The following ARHGEF37 variants were observed in gnomAD, a reference collection of about 807,000 sequenced individuals.
ARHGEF37 encodes the protein Rho guanine nucleotide exchange factor (GEF) 37.
In ARHGEF37, 55 loss-of-function variants were observed where a neutral mutation model predicts 71.1. The ratio of observed to expected loss-of-function variants is 0.77; its 90% CI spans 0.62 to 0.97. ARHGEF37 has a LOEUF of 0.97. Ranked by LOEUF, ARHGEF37 falls within the 50% of genes least tolerant of loss-of-function variation. ARHGEF37 has a pLI of 0.00. For missense variants in ARHGEF37, 765 were observed against 836.8 expected, an observed-to-expected ratio of 0.91 and a Z score of 1.06; for synonymous variants, 327 against 350.6, an observed-to-expected ratio of 0.93 and a Z score of 0.75.
chr5:149,552,382 A>G lies in ARHGEF37; in HGVS notation c.-12+259A>G, dbSNP rs183678102. 4.6e-5 allele frequency among the ~76,000 whole-genome samples: 7 copies of G among 151,672 alleles called. No homozygotes were observed. The East Asian group carries it at 1.5e-3, about 33-fold the overall frequency. Reference sequence around the variant, plus strand: ...TTTACAAAAAATCGATCAGAGAATCAAATTTTGACCACGTTTTGTTTTACA... The same window carrying G: ...TTTACAAAAAATCGATCAGAGAATCGAATTTTGACCACGTTTTGTTTTACA... On this transcript the variant is annotated intron_variant, in intron 1 of 2. Coordinates refer to the ARHGEF37 transcript ENST00000505810.
At chr5:149,598,408 C>T (rs13161661) in intron 2 of ARHGEF37, among the ~76,000 whole-genome samples, 2 of 130,424 alleles carry the variant, frequency 1.5e-5, no homozygotes, top group Admixed American at 8.5e-5. Context: ...CTTCCTCTTC[C>T]TCTTCTCCTT....
intron 10 of ARHGEF37, among the ~76,000 whole-genome samples, chr5:149,626,512 C>T (rs975573866): frequency 6.6e-6 from 1 of 152,168 alleles, no homozygotes; most frequent in Non-Finnish European, 1.5e-5. Flanking sequence ...GTAAAACTCT[C>T]TCCTGTATTT....
At chr5:149,563,427 A>C (rs182262655) in intron 1 of ARHGEF37, among the ~76,000 whole-genome samples, 16 of 152,250 alleles carry the variant, frequency 1.1e-4, no homozygotes, top group Admixed American at 1.0e-3. Flanking sequence ...ACCTATATGC[A>C]AGCCATGTTT....
At chr5:149,625,651 G>A (rs1030825781) in intron 10 of ARHGEF37, among the ~76,000 whole-genome samples, 3 of 152,206 alleles carry the variant, frequency 2.0e-5, no homozygotes, top group Admixed American at 6.5e-5. Flanking sequence ...AGACCTCACC[G>A]ACTAGGGGTG....
At chr5:149,561,897 C>T (rs1762836712) in intron 1 of ARHGEF37, among the ~76,000 whole-genome samples, 1 of 152,020 alleles carries the variant, frequency 6.6e-6, no homozygotes, top group Non-Finnish European at 1.5e-5. Context: ...TTTCTCAGCC[C>T]CTGTTCTCTT....
chr5:149,617,422 G>A (rs1457438926), intron 5 of ARHGEF37, among the ~76,000 whole-genome samples: 3 of 152,164 alleles, frequency 2.0e-5, no homozygotes, highest in Non-Finnish European at 4.4e-5. Flanking sequence ...TTTGGAAAAC[G>A]AAACAGTGTC....
At chr5:149,605,488 A>G (rs1046148221) in intron 3 of ARHGEF37, among the ~76,000 whole-genome samples, 2 of 152,162 alleles carry the variant, frequency 1.3e-5, no homozygotes, top group African/African-American at 4.8e-5. Flanking sequence ...GGGGTTCATC[A>G]TATTTCAAGT....
intron 1 of ARHGEF37, among the ~76,000 whole-genome samples, chr5:149,592,681 T>C (rs1377579393): frequency 2.6e-5 from 4 of 152,220 alleles, no homozygotes; most frequent in Non-Finnish European, 2.9e-5. Context: ...ACAGAAAGTG[T>C]ATGTTTTATT....
intron 2 of ARHGEF37, among the ~76,000 whole-genome samples, chr5:149,598,263 C>CT (rs1554121928): frequency 4.4e-5 from 3 of 67,692 alleles, no homozygotes; most frequent in Non-Finnish European, 8.7e-5. Context: ...CTTAAACTGA[C>CT]TCTTCTTCTT....
chr5:149,626,778 C>T (rs541987447), intron 10 of ARHGEF37: 31 of 247,206 alleles, frequency 1.3e-4, no homozygotes, highest in East Asian at 5.3e-4. Context: ...CTTACCCTGA[C>T]GGTATGGGCA....
In ARHGEF37 at chr5:149,632,067, A is replaced by G. The variant is rs769278960; in HGVS notation, c.1904A>G (p.Gln635Arg). 94 of 1,614,146 alleles carry G rather than the reference A, an allele frequency of 5.8e-5. No homozygotes were observed. Among genetic ancestry groups the G allele is most frequent in the Non-Finnish European group, 7.8e-5 (92 of 1,180,058 alleles). The change falls in exon 13 of 13, where the codon CAG becomes CGG. Residue 635 changes from glutamine (Q) to arginine (R), a missense_variant. This residue lies in a region of ARHGEF37 where 390 missense variants were observed against 407.4 expected (regional missense o/e 0.96). Transcript: ENST00000333677. ...AGQPVTILEA[Q>R]DKKGNPEWSL... ...CAGCCTGTGACCATCCTGGAGGCCC[A>G]GGACAAGAAGGGGAACCCTGAGTGG...
rs777306691 is a variant in ARHGEF37, at chr5:149,622,049, G to A, written c.1322G>A (p.Gly441Glu). 3 of 1,610,198 alleles carry A rather than the reference G, an allele frequency of 1.9e-6. No homozygotes were observed. In the South Asian group the frequency reaches 3.3e-5, roughly 18 times the overall value. ...LAKQVLQRAE[G>E]SMAQLPHHHV... ...AAGCAAGTGCTGCAGAGGGCAGAGG[G>A]AAGCATGGCCCAGGTAAGGCCTCTG... Residue 441 changes from glycine to glutamate, a missense_variant, in exon 9 of 13, where the codon GGA becomes GAA. This residue lies in a region of ARHGEF37 where 390 missense variants were observed against 407.4 expected (regional missense o/e 0.96). Coordinates refer to ENST00000333677, the MANE Select transcript of ARHGEF37 (RefSeq NM_001001669.3).
In ARHGEF37 at chr5:149,628,969, G is replaced by A. The variant is rs755804319; in HGVS notation, c.1818+3G>A. 2.5e-6 allele frequency: 4 copies of A among 1,610,606 alleles called. No homozygotes were observed. Among genetic ancestry groups the A allele is most frequent in the African/African-American group, 1.3e-5 (1 of 74,856 alleles). The stretch of plus-strand genomic sequence containing the variant: ...CCTCTATTCCCACCATGAACCAGGT[G>A]AGTATAGGAGAGGGCTGGGGGCTTG... On this transcript the variant is annotated splice_donor_region_variant and intron_variant, in intron 12 of 12. Transcript: ENST00000333677.
chr5:149,557,091 G>A (rs138125161), intron 1 of ARHGEF37, among the ~76,000 whole-genome samples: 59 of 152,298 alleles, frequency 3.9e-4, no homozygotes, highest in Admixed American at 7.8e-4. Context: ...CTGTGCAAAA[G>A]TACCCCAAAG....
At chr5:149,555,487 T>A (rs1252208226) in intron 1 of ARHGEF37, among the ~76,000 whole-genome samples, 3 of 139,964 alleles carry the variant, frequency 2.1e-5, no homozygotes, top group East Asian at 2.2e-4. Flanking sequence ...TTTTTTTTTT[T>A]AACTTTTTGT....
intron 2 of ARHGEF37, 30 bp from the exon 3 acceptor site, chr5:149,601,078 C>G: frequency 6.3e-7 from 1 of 1,598,066 alleles, no homozygotes; most frequent in Non-Finnish European, 8.6e-7. Flanking sequence ...AACTCCCAAC[C>G]ACCTCTCATG....
chr5:149,612,263 G>A (rs958313078), intron 4 of ARHGEF37, among the ~76,000 whole-genome samples: 26 of 152,168 alleles, frequency 1.7e-4, no homozygotes, highest in Admixed American at 5.2e-4. Context: ...CGTCTCCCGG[G>A]TTCACGCCAT....
chr5:149,624,120 C>G lies in ARHGEF37; in HGVS notation c.1444C>G (p.Gln482Glu). ...RSFQETFEKV[Q>E]PPPTTQPLLP... is the part of the protein sequence containing the mutation. Reference sequence around the variant, plus strand: ...CTTTCAAGAGACCTTTGAGAAAGTGCAGCCACCTCCCACCACACAAGTAAG... The same window carrying G: ...CTTTCAAGAGACCTTTGAGAAAGTGGAGCCACCTCCCACCACACAAGTAAG... Residue 482 changes from glutamine (Q) to glutamate (E), a missense_variant, in exon 10 of 13, where the codon CAG (glutamine) becomes GAG (glutamate). By Grantham distance (29) the Gln-to-Glu change is conservative. Transcript: ENST00000333677. The G allele has an allele frequency of 6.2e-6, 10 of 1,609,892 alleles. No individual in the cohort carries two copies. Among genetic ancestry groups the G allele is most frequent in the Non-Finnish European group, 8.5e-6 (10 of 1,176,582 alleles).
At chr5:149,580,072 T>A (rs562627710), upstream of ARHGEF37, among the ~76,000 whole-genome samples, 3 of 152,240 alleles carry the variant, frequency 2.0e-5, no homozygotes, top group South Asian at 6.2e-4. Flanking sequence ...TTCTTTCTTT[T>A]CTTTTTCGAG....
Sources: gnomAD v4.1 joint callset for allele counts (sites outside exome capture counted in the v4.1 genomes callset) on GRCh38, gnomAD v4.1.1 for gene constraint, gnomAD v4.1.1 regional missense constraint, MANE v1.5 for transcripts, NCBI Gene and HGNC (gene_info 2026-07-23, HGNC 2026-07-21) for gene names.